Variants in IRAG2 observed in about 807,000 individuals in gnomAD.
IRAG2 encodes lymphoid restricted membrane protein.
Under a neutral mutation model 69.9 loss-of-function variants are expected in IRAG2, and 45 were observed. The ratio of observed to expected loss-of-function variants is 0.64; its 90% CI spans 0.51 to 0.83. The LOEUF (loss-of-function observed/expected upper bound fraction) is 0.83, where lower values mean the gene tolerates loss of function less well. Ranked by LOEUF, IRAG2 falls within the 40% of genes least tolerant of loss-of-function variation. The pLI is 0.00. For missense variants in IRAG2, 520 were observed against 587.0 expected, an observed-to-expected ratio of 0.89 and a Z score of 1.18; for synonymous variants, 193 against 202.4, an observed-to-expected ratio of 0.95 and a Z score of 0.40.
At chr12:25,037,982 C>T in exon 16 of IRAG2, 2 of 398,768 alleles carry the variant, frequency 5.0e-6, no homozygotes, top group Non-Finnish European at 8.9e-6. Context: ...AGGAATTCAA[C>T]AATATCATGG....
intron 10 of IRAG2, among the ~76,000 whole-genome samples, chr12:25,085,917 G>A (rs76341097): frequency 0.046 from 7,005 of 152,116 alleles, 561 homozygotes; most frequent in African/African-American, 0.16. Context: ...TAAATCCATA[G>A]ATGCAAACCC....
At chr12:25,015,088 G>GACAAAAAAAAAAAAA (rs1944511087) in intron 3 of IRAG2, 1 of 50,218 alleles carries the variant, frequency 2.0e-5, no homozygotes, top group Non-Finnish European at 3.3e-5. Flanking sequence ...GCATAAATCT[G>GACAAAAAAAAAAAAA]AAAAAAAAAA....
the IRAG2 span, among the ~76,000 whole-genome samples, chr12:24,998,367 C>T: frequency 2.0e-5 from 3 of 152,164 alleles, no homozygotes; most frequent in Non-Finnish European, 2.9e-5. Context: ...AAATCTGGTA[C>T]TTGTGGTTTG....
chr12:25,104,290 A>T, intron 19 of IRAG2, 71 bp from the exon 20 acceptor site: 14 of 1,052,928 alleles, frequency 1.3e-5, no homozygotes, highest in Non-Finnish European at 2.1e-5. Context: ...TTACTTAAGC[A>T]GTAGGAAATA....
intron 1 of IRAG2, among the ~76,000 whole-genome samples, chr12:25,059,601 G>A (rs1035371783): frequency 1.3e-5 from 2 of 152,128 alleles, no homozygotes; most frequent in Admixed American, 1.3e-4. Context: ...TGACCCATCT[G>A]CCTCGGTCTC....
At chr12:25,080,004 A>T (rs1161998423) in intron 9 of IRAG2, among the ~76,000 whole-genome samples, 1 of 152,256 alleles carries the variant, frequency 6.6e-6, no homozygotes, top group Non-Finnish European at 1.5e-5. Flanking sequence ...CAGAACAAAA[A>T]TTATGATATA....
At chr12:25,068,111 G>T (rs575863574) in intron 5 of IRAG2, among the ~76,000 whole-genome samples, 10 of 152,194 alleles carry the variant, frequency 6.6e-5, no homozygotes, top group African/African-American at 2.4e-4. Flanking sequence ...AAAGTGCTGG[G>T]ATTACAGGTG....
intron 16 of IRAG2, chr12:25,038,173 A>C (rs1944716935): frequency 5.0e-6 from 2 of 398,506 alleles, no homozygotes; most frequent in South Asian, 2.6e-4. Context: ...TCCATGCTTT[A>C]TATACATGAC....
chr12:25,078,799 A>C (rs1946996889), intron 6 of IRAG2, among the ~76,000 whole-genome samples: 1 of 152,186 alleles, frequency 6.6e-6, no homozygotes. Flanking sequence ...TTAAGTTTGA[A>C]ATGCATGATT....
At chr12:25,020,294 AAT>A (rs1944567613) in intron 6 of IRAG2, among the ~76,000 whole-genome samples, 1 of 152,208 alleles carries the variant, frequency 6.6e-6, no homozygotes, top group African/African-American at 2.4e-5. Flanking sequence ...TTCTTTATAG[AAT>A]ATGTCATATA....
intron 1 of IRAG2, among the ~76,000 whole-genome samples, chr12:25,054,023 G>A (rs940788976): frequency 2.9e-4 from 44 of 152,152 alleles, no homozygotes; most frequent in African/African-American, 1.0e-3. Context: ...CTTGAGCCCA[G>A]GAGTTTGAGA....
intron 9 of IRAG2, among the ~76,000 whole-genome samples, chr12:25,082,085 G>A (rs1947256045): frequency 6.6e-6 from 1 of 151,852 alleles, no homozygotes; most frequent in Admixed American, 6.6e-5. Flanking sequence ...GTGAAGATGG[G>A]GTCTCACTAT....
intron 3 of IRAG2, among the ~76,000 whole-genome samples, chr12:25,014,787 T>C (rs1944507354): frequency 6.6e-6 from 1 of 151,948 alleles, no homozygotes; most frequent in African/African-American, 2.4e-5. Flanking sequence ...TCTTGCAACC[T>C]CCACAAGTCT....
intron 6 of IRAG2, among the ~76,000 whole-genome samples, chr12:25,018,897 T>A (rs1464749906): frequency 2.0e-5 from 3 of 152,244 alleles, no homozygotes; most frequent in African/African-American, 7.2e-5. Context: ...GAAGACTGTC[T>A]GTTTCCTTTG....
chr12:25,039,297 G>A (rs1017566713), intron 16 of IRAG2, among the ~76,000 whole-genome samples: 1 of 152,108 alleles, frequency 6.6e-6, no homozygotes, highest in Non-Finnish European at 1.5e-5. Flanking sequence ...AATACCAGAG[G>A]AACTCTCAAG....
intron 20 of IRAG2, among the ~76,000 whole-genome samples, chr12:25,106,155 T>G (rs1019514312): frequency 6.6e-6 from 1 of 151,928 alleles, no homozygotes; most frequent in Middle Eastern, 3.2e-3. Context: ...TACTCCAAGT[T>G]AGCACTGATT....
intron 20 of IRAG2, among the ~76,000 whole-genome samples, chr12:25,105,783 T>C (rs1949048171): frequency 6.6e-6 from 1 of 152,228 alleles, no homozygotes; most frequent in East Asian, 1.9e-4. Flanking sequence ...CAATTTATTC[T>C]GGCTTTTGGG....
At chr12:25,013,874 T>C (rs1158651618) in intron 3 of IRAG2, among the ~76,000 whole-genome samples, 2 of 122,276 alleles carry the variant, frequency 1.6e-5, no homozygotes, top group Admixed American at 8.2e-5. Context: ...TTCTTTTTTT[T>C]TTTTTTTTTT....
intron 3 of IRAG2, among the ~76,000 whole-genome samples, chr12:25,014,580 T>G (rs113009161): frequency 0.011 from 1,709 of 151,858 alleles, 40 homozygotes; most frequent in African/African-American, 0.039. Flanking sequence ...TATGTTTATT[T>G]TGCAGTTCAA....
Sources: gnomAD v4.1 joint callset for allele counts (sites outside exome capture counted in the v4.1 genomes callset) on GRCh38, gnomAD v4.1.1 for gene constraint, MANE v1.5 for transcripts, NCBI Gene and HGNC (gene_info 2026-07-23, HGNC 2026-07-21) for gene names.